Variants in MACROD2 observed in about 807,000 individuals in gnomAD.
MACROD2 encodes the protein ADP-ribose glycohydrolase MACROD2.
A neutral mutation model predicts 70.4 loss-of-function variants in MACROD2; 36 were observed. That is an observed-to-expected ratio of 0.51 (90% CI 0.39 to 0.68). MACROD2 has a LOEUF of 0.68. Ranked by LOEUF, MACROD2 falls within the 30% of genes least tolerant of loss-of-function variation. MACROD2 has a pLI of 0.00. For missense variants in MACROD2, 496 were observed against 538.4 expected (o/e 0.92, Z 0.78); for synonymous variants, 172 against 178.8 (o/e 0.96, Z 0.30).
intron 8 of MACROD2, among the ~76,000 whole-genome samples, chr20:15,623,064 A>G (rs1160756666): frequency 6.6e-6 from 1 of 152,198 alleles, no homozygotes; most frequent in African/African-American, 2.4e-5. Flanking sequence ...AATTCTAGCA[A>G]AGAATAATTT....
At chr20:14,878,257 A>G (rs147027153) in intron 5 of MACROD2, among the ~76,000 whole-genome samples, 73 of 152,266 alleles carry the variant, frequency 4.8e-4, no homozygotes, top group African/African-American at 1.6e-3. Context: ...GAACATCCTT[A>G]AACCCTAAAA....
intron 5 of MACROD2, among the ~76,000 whole-genome samples, chr20:14,786,479 T>C (rs1467218783): frequency 6.6e-6 from 1 of 151,960 alleles, no homozygotes; most frequent in South Asian, 2.1e-4. Flanking sequence ...CTGGCCAAAG[T>C]TGTCTCTTTG....
chr20:14,727,581 T>C (rs1233609133), intron 5 of MACROD2, among the ~76,000 whole-genome samples: 1 of 152,054 alleles, frequency 6.6e-6, no homozygotes, highest in African/African-American at 2.4e-5. Flanking sequence ...AGTAGTTACT[T>C]TATCACTCCC....
chr20:15,313,361 G>T (rs886549603), intron 6 of MACROD2, among the ~76,000 whole-genome samples: 19 of 151,982 alleles, frequency 1.3e-4, no homozygotes, highest in African/African-American at 4.6e-4. Flanking sequence ...AAAAAAATTA[G>T]CCAGGCATGG....
At chr20:15,446,535 C>T (rs985493583) in intron 7 of MACROD2, among the ~76,000 whole-genome samples, 4 of 152,210 alleles carry the variant, frequency 2.6e-5, no homozygotes, top group Non-Finnish European at 4.4e-5. Flanking sequence ...CAGGAAGGTG[C>T]ACATCCCGTG....
At chr20:15,525,150 GTGA>G (rs1369510421) in intron 8 of MACROD2, among the ~76,000 whole-genome samples, 1 of 152,170 alleles carries the variant, frequency 6.6e-6, no homozygotes, top group African/African-American at 2.4e-5. Flanking sequence ...GATGTGTTTG[GTGA>G]TGATGTTTGG....
intron 3 of MACROD2, among the ~76,000 whole-genome samples, chr20:14,319,689 C>T (rs1429331046): frequency 2.6e-5 from 4 of 152,114 alleles, no homozygotes. Flanking sequence ...ACCCTGATAA[C>T]ATTTTTGACA....
intron 8 of MACROD2, among the ~76,000 whole-genome samples, chr20:15,503,669 C>A (rs1053170719): frequency 6.6e-6 from 1 of 152,182 alleles, no homozygotes; most frequent in Admixed American, 6.5e-5. Flanking sequence ...GTCTCTGTTT[C>A]ATTATTATTA....
chr20:15,993,293 C>A (rs2066583679), intron 15 of MACROD2, among the ~76,000 whole-genome samples: 2 of 149,582 alleles, frequency 1.3e-5, no homozygotes, highest in African/African-American at 2.5e-5. Context: ...ATCATCTATA[C>A]AGTGACATTT....
At chr20:14,157,937 C>A (rs2055127159) in intron 3 of MACROD2, among the ~76,000 whole-genome samples, 1 of 152,100 alleles carries the variant, frequency 6.6e-6, no homozygotes, top group South Asian at 2.1e-4. Flanking sequence ...TGGATAAATA[C>A]CCAATAGTGG....
intron 6 of MACROD2, among the ~76,000 whole-genome samples, chr20:15,248,831 TC>T (rs1445401789): frequency 6.6e-6 from 1 of 151,992 alleles, no homozygotes; most frequent in East Asian, 1.9e-4. Flanking sequence ...AGACACCCCC[TC>T]CCCCACAAGA....
chr20:15,529,245 C>A (rs2047763308), intron 8 of MACROD2, among the ~76,000 whole-genome samples: 1 of 151,896 alleles, frequency 6.6e-6, no homozygotes, highest in Admixed American at 6.6e-5. Flanking sequence ...TAGCATTTTT[C>A]TTCTAAATAT....
At chr20:15,656,833 C>T (rs1413508185) in intron 8 of MACROD2, among the ~76,000 whole-genome samples, 1 of 151,452 alleles carries the variant, frequency 6.6e-6, no homozygotes, top group East Asian at 1.9e-4. Context: ...GTCCTGCCCC[C>T]AAGAATAGAT....
At chr20:14,052,587 G>A (rs2053582175) in intron 2 of MACROD2, among the ~76,000 whole-genome samples, 1 of 152,016 alleles carries the variant, frequency 6.6e-6, no homozygotes, top group Non-Finnish European at 1.5e-5. Flanking sequence ...AGCTCCCTAA[G>A]TCTTAAGTTC....
At chr20:15,292,285 T>C (rs758191395) in intron 6 of MACROD2, among the ~76,000 whole-genome samples, 1 of 152,134 alleles carries the variant, frequency 6.6e-6, no homozygotes, top group Non-Finnish European at 1.5e-5. Flanking sequence ...AATTAACTTA[T>C]CTAATCTATA....
chr20:14,853,986 G>GT (rs1429815921), intron 5 of MACROD2, among the ~76,000 whole-genome samples: 1 of 152,114 alleles, frequency 6.6e-6, no homozygotes, highest in Non-Finnish European at 1.5e-5. Context: ...GTTAAGGCAG[G>GT]TGGGCAGTTT....
chr20:15,311,944 A>T (rs894438018), intron 6 of MACROD2, among the ~76,000 whole-genome samples: 1 of 152,180 alleles, frequency 6.6e-6, no homozygotes, highest in Non-Finnish European at 1.5e-5. Context: ...AAAAGTTGAA[A>T]ACAAAACCAA....
At position 15,926,290 on chromosome 20, in the gene MACROD2, C is replaced by G. The variant is rs540210852; in HGVS notation, c.776-6986C>G. ...TCCTGGAATAGAAGATAATCTACCT[C>G]TTTTTTTCCTGATTCATTTGTGAAC... On this transcript the variant is annotated intron_variant, in intron 10 of 17. Transcript: ENST00000684519. 2.0e-5 allele frequency among the ~76,000 whole-genome samples: 3 copies of G among 152,266 alleles called. No homozygotes were observed. In the South Asian group the frequency reaches 6.2e-4, roughly 32 times the overall value.
At position 15,778,503 on chromosome 20, in the gene MACROD2, G is replaced by A. The variant is rs527328461; in HGVS notation, c.646-84242G>A. The stretch of plus-strand genomic sequence containing the variant: ...TTAAAGGAACAATTGTAGCTGCATC[G>A]AAGTTGACATCAGGGCAATTTCTGC... On this transcript the variant is annotated intron_variant, in intron 8 of 17. Coordinates refer to ENST00000684519, the MANE Select transcript of MACROD2 (RefSeq NM_001351661.2). 1.6e-4 allele frequency among the ~76,000 whole-genome samples: 24 copies of A among 152,102 alleles called. No homozygotes were observed. The South Asian group carries it at 3.7e-3, about 24-fold the overall frequency.
Sources: allele counts gnomAD v4.1 joint callset (sites outside exome capture counted in the v4.1 genomes callset), GRCh38; gene constraint gnomAD v4.1.1; transcripts MANE v1.5; gene names NCBI Gene and HGNC (gene_info 2026-07-23, HGNC 2026-07-21).